The following CHAF1B variants were observed in gnomAD, a reference collection of about 807,000 sequenced individuals.
CHAF1B encodes the protein chromatin assembly factor 1 subunit B.
A neutral mutation model predicts 60.7 loss-of-function variants in CHAF1B; 10 were observed. The observed-to-expected ratio is 0.16, with a 90% CI of 0.10 to 0.28. CHAF1B has a LOEUF of 0.28. Ranked by LOEUF, CHAF1B falls within the 10% of genes least tolerant of loss-of-function variation. The pLI is 1.00. For missense variants in CHAF1B, 558 were observed against 708.4 expected, an observed-to-expected ratio of 0.79 and a Z score of 2.41; for synonymous variants, 261 against 266.1, an observed-to-expected ratio of 0.98 and a Z score of 0.19.
chr21:36,411,116 C>CTT (rs35488336), intron 10 of CHAF1B, among the ~76,000 whole-genome samples: 1 of 126,794 alleles, frequency 7.9e-6, no homozygotes. Flanking sequence ...TATAAATATT[C>CTT]TTTTTTTTTT....
Position 36,413,227 on chromosome 21 carries a change from C to G in CHAF1B, c.1405C>G (p.Leu469Val), listed in dbSNP as rs778361845. 2.0e-5 allele frequency: 32 copies of G among 1,614,044 alleles called. No individual in the cohort carries two copies. The Middle Eastern group carries it at 4.9e-4, about 25-fold the overall frequency. Residue 469 changes from leucine (L) to valine (V), a missense_variant, in exon 12 of 14, where the codon CTG (leucine) becomes GTG (valine). Coordinates refer to ENST00000314103, the MANE Select transcript of CHAF1B (RefSeq NM_005441.3). ...GCCGGGGCCTTCGGAGGAGAAGACCCTGCAGCCCAGTAGTCAAAACACAAA... is the reference window on the plus strand; with the variant it reads ...GCCGGGGCCTTCGGAGGAGAAGACCGTGCAGCCCAGTAGTCAAAACACAAA... Reference protein sequence around the residue: ...PLPGPSEEKTLQPSSQNTKAH... With the variant: ...PLPGPSEEKTVQPSSQNTKAH...
intron 4 of CHAF1B, among the ~76,000 whole-genome samples, chr21:36,393,077 C>T (rs913132402): frequency 6.6e-6 from 1 of 152,202 alleles, no homozygotes; most frequent in African/African-American, 2.4e-5. Context: ...ACAGGCGTGG[C>T]GGCGTGCGCC....
At chr21:36,401,073 C>T (rs1189951858) in intron 7 of CHAF1B, among the ~76,000 whole-genome samples, 2 of 151,948 alleles carry the variant, frequency 1.3e-5, no homozygotes, top group Non-Finnish European at 2.9e-5. Flanking sequence ...TCGAGACTAG[C>T]CTGGCTAACA....
chr21:36,416,247 G>C (rs763637649), intron 13 of CHAF1B, 28 bp from the exon 14 acceptor site: 38 of 1,584,662 alleles, frequency 2.4e-5, no homozygotes, highest in Non-Finnish European at 3.3e-5. Flanking sequence ...TCATTTACTT[G>C]CCAACCTTAT....
intron 3 of CHAF1B, chr21:36,389,180 G>C (rs1307622812): frequency 6.5e-6 from 1 of 153,042 alleles, no homozygotes; most frequent in African/African-American, 2.4e-5. Flanking sequence ...GGCTGCTGGA[G>C]GGTGCTGGGG....
Position 36,399,527 on chromosome 21 carries a change from G to T in CHAF1B, c.585G>T (p.Leu195=). Residue 195 remains leucine, a synonymous_variant, in exon 7 of 14, where the codon CTG becomes CTT. Coordinates refer to ENST00000314103, the MANE Select transcript of CHAF1B (RefSeq NM_005441.3). ...AGACATGTTCTTTCTTCAGGGTGCTGCGAGTATACAGTATACAGAAGAAGC... is the reference window on the plus strand; with the variant it reads ...AGACATGTTCTTTCTTCAGGGTGCTTCGAGTATACAGTATACAGAAGAAGC... The part of the protein sequence containing the change: ...YVATLSCDRV[L]RVYSIQKKRV... 2 of 1,613,794 alleles carry T rather than the reference G, an allele frequency of 1.2e-6. No individual in the cohort carries two copies. Among genetic ancestry groups the T allele is most frequent in the Non-Finnish European group, 1.7e-6 (2 of 1,179,760 alleles).
At chr21:36,385,474 A>G (rs1275955649) in intron 1 of CHAF1B, 23 bp downstream of exon 1, 1 of 151,766 alleles carries the variant, frequency 6.6e-6, no homozygotes, top group East Asian at 1.9e-4. Context: ...TGGCCCGGGC[A>G]GCTCCGCGGC....
intron 10 of CHAF1B, among the ~76,000 whole-genome samples, chr21:36,410,837 T>G (rs1381170373): frequency 1.3e-5 from 2 of 152,044 alleles, no homozygotes; most frequent in East Asian, 3.9e-4. Context: ...CTTTTTTTAT[T>G]TTTAGTAGAG....
chr21:36,391,982 T>G (rs1463183773), intron 4 of CHAF1B, among the ~76,000 whole-genome samples: 1 of 145,082 alleles, frequency 6.9e-6, no homozygotes, highest in Non-Finnish European at 1.5e-5. Context: ...GAGGGGGATT[T>G]GGCAGGGTCA....
chr21:36,399,224 T>TG (rs1271241772), intron 6 of CHAF1B, among the ~76,000 whole-genome samples: 1 of 151,782 alleles, frequency 6.6e-6, no homozygotes, highest in East Asian at 1.9e-4. Flanking sequence ...TTGGTAGAGA[T>TG]GGGGTTTCAC....
intron 5 of CHAF1B, among the ~76,000 whole-genome samples, chr21:36,396,902 C>T (rs918837108): frequency 2.6e-5 from 4 of 152,170 alleles, no homozygotes; most frequent in African/African-American, 9.7e-5. Context: ...CTTGAATTCA[C>T]AGCCTTTTCC....
At chr21:36,416,244 C>T (rs1046465369) in intron 13 of CHAF1B, 31 bp from the exon 14 acceptor site, 11 of 1,581,744 alleles carry the variant, frequency 7.0e-6, no homozygotes, top group Non-Finnish European at 9.5e-6. Flanking sequence ...TCTTCATTTA[C>T]TTGCCAACCT....
At chr21:36,392,666 G>T (rs1286542531) in intron 4 of CHAF1B, among the ~76,000 whole-genome samples, 1 of 152,002 alleles carries the variant, frequency 6.6e-6, no homozygotes, top group Non-Finnish European at 1.5e-5. Context: ...CGGCTGCCGG[G>T]CGGAGGGGCT....
At chr21:36,402,687 G>GA in intron 7 of CHAF1B, 71 bp from the exon 8 acceptor site, 1 of 1,310,562 alleles carries the variant, frequency 7.6e-7, no homozygotes, top group Non-Finnish European at 1.1e-6. Context: ...TAAAGATTTG[G>GA]AAAAATGTTT....
Position 36,415,398 on chromosome 21 carries a change from T to C in CHAF1B, c.1588+9T>C. Reference sequence around the variant, plus strand: ...AGAAGAAATTCAGTCAGGTAAGTAATATTGTTACTGGTTTAATATAATGAA... The same window carrying C: ...AGAAGAAATTCAGTCAGGTAAGTAACATTGTTACTGGTTTAATATAATGAA... On this transcript the variant is annotated intron_variant, in intron 13 of 13. Coordinates refer to ENST00000314103, the MANE Select transcript of CHAF1B (RefSeq NM_005441.3). The C allele has an allele frequency of 1.4e-6, 2 of 1,477,644 alleles. No homozygotes were observed. The highest frequency in any genetic ancestry group is 2.3e-5 in the South Asian group (2 of 88,200). The allele number at this position is 1,477,644 out of a possible 1,614,324, so 91.5% of individuals were successfully genotyped here.
chr21:36,386,633 A>G (rs768758780), intron 2 of CHAF1B, among the ~76,000 whole-genome samples: 20 of 152,190 alleles, frequency 1.3e-4, no homozygotes, highest in Non-Finnish European at 2.2e-4. Context: ...GTATGTCAAC[A>G]AACTAAACTA....
At chr21:36,411,360 C>G (rs538280508) in intron 10 of CHAF1B, 103 bp from the exon 11 acceptor site, 1 of 1,393,770 alleles carries the variant, frequency 7.2e-7, no homozygotes, top group Non-Finnish European at 1.0e-6. Context: ...GTGATCCACC[C>G]GGCTCGGCCT....
At chr21:36,394,517 G>C in intron 4 of CHAF1B, 30 bp from the exon 5 acceptor site, 1 of 1,513,582 alleles carries the variant, frequency 6.6e-7, no homozygotes, top group South Asian at 1.1e-5. Context: ...GGGAGTAATT[G>C]CTTTTTTCCT....
At chr21:36,410,191 G>A (rs1169771179) in intron 10 of CHAF1B, among the ~76,000 whole-genome samples, 1 of 152,146 alleles carries the variant, frequency 6.6e-6, no homozygotes, top group Non-Finnish European at 1.5e-5. Context: ...TCGAACTCCT[G>A]ACCTCAGGTG....
Sources: gnomAD v4.1 joint callset for allele counts (sites outside exome capture counted in the v4.1 genomes callset) on GRCh38, gnomAD v4.1.1 for gene constraint, MANE v1.5 for transcripts, NCBI Gene and HGNC (gene_info 2026-07-23, HGNC 2026-07-21) for gene names.